The following TMPRSS15 variants were observed in gnomAD, a reference collection of about 807,000 sequenced individuals.
The protein encoded by TMPRSS15 is transmembrane serine protease 15.
Under a neutral mutation model 125.3 loss-of-function variants are expected in TMPRSS15, and 128 were observed. That is an observed-to-expected ratio of 1.02 (90% confidence interval 0.89 to 1.18). TMPRSS15 has a LOEUF of 1.18. Ranked by LOEUF, TMPRSS15 falls within the 50% of genes most tolerant of loss-of-function variation. TMPRSS15 has a pLI of 0.00. For synonymous variants in TMPRSS15, 446 were observed against 423.2 expected (o/e 1.05, Z -0.66); for missense variants, 1,283 against 1,212.7 (o/e 1.06, Z -0.86).
Position 18,365,203 on chromosome 21 carries a change from G to A in TMPRSS15, c.710C>T (p.Ser237Phe). ...TTTTGGATAATGAGTAGCCTGGAAA[G>A]ACCCAGATGATCCAGTTAACAAAAA... ...GRFLLTGSSG[S>F]FQATHYPKPS... is the part of the protein sequence containing the mutation. Residue 237 changes from serine to phenylalanine, a missense_variant, in exon 7 of 25, where the codon TCT (serine) becomes TTT (phenylalanine). Ser to Phe is a radical substitution (Grantham distance 155, BLOSUM62 -2). Transcript: ENST00000284885. 6.2e-7 allele frequency: 1 copy of A among 1,614,098 alleles called. No homozygotes were observed. The highest frequency in any genetic ancestry group is 1.1e-5 in the South Asian group (1 of 91,080).
At chr21:18,480,820 C>G (rs191370232) in intron 1 of TMPRSS15, among the ~76,000 whole-genome samples, 4 of 151,958 alleles carry the variant, frequency 2.6e-5, no homozygotes, top group Admixed American at 2.6e-4. Flanking sequence ...GATATTAACT[C>G]TTGTCCCATC....
chr21:18,395,919 T>C (rs971381967), intron 3 of TMPRSS15, among the ~76,000 whole-genome samples: 1 of 152,190 alleles, frequency 6.6e-6, no homozygotes, highest in Non-Finnish European at 1.5e-5. Flanking sequence ...AGGGAGGCTG[T>C]TGTCCTCTGC....
intron 13 of TMPRSS15, among the ~76,000 whole-genome samples, chr21:18,339,060 T>A (rs2075421932): frequency 6.6e-6 from 1 of 152,202 alleles, no homozygotes; most frequent in Non-Finnish European, 1.5e-5. Context: ...TTTAGGGGCA[T>A]ATAATTATAC....
intron 3 of TMPRSS15, among the ~76,000 whole-genome samples, chr21:18,397,385 A>T (rs2076050359): frequency 6.6e-6 from 1 of 152,204 alleles, no homozygotes. Context: ...CATATGTTAC[A>T]GATTCAAACA....
At chr21:18,378,153 T>C (rs1366442056) in intron 5 of TMPRSS15, among the ~76,000 whole-genome samples, 1 of 152,128 alleles carries the variant, frequency 6.6e-6, no homozygotes, top group African/African-American at 2.4e-5. Context: ...GAGCACATTT[T>C]TCAAAATATA....
chr21:18,350,553 G>A (rs368557728), intron 10 of TMPRSS15, among the ~76,000 whole-genome samples: 2 of 151,984 alleles, frequency 1.3e-5, no homozygotes, highest in South Asian at 2.1e-4. Context: ...TGTTCCCTCT[G>A]CCTGGAATAA....
At chr21:18,270,374 T>G (rs7282779) in intron 24 of TMPRSS15, among the ~76,000 whole-genome samples, 145,622 of 152,198 alleles carry the variant, frequency 0.96, 69,722 homozygotes, top group East Asian at 1. Flanking sequence ...TAAAAGTTTC[T>G]CCACTTTAAT....
At chr21:18,405,266 T>C (rs60992918), upstream of TMPRSS15, among the ~76,000 whole-genome samples, 1,533 of 152,290 alleles carry the variant, frequency 0.01, 33 homozygotes, top group African/African-American at 0.035. Context: ...ATGCATTTAG[T>C]TTCAGAAACA....
In TMPRSS15 at chr21:18,352,912, T is replaced by C. The variant is rs1362667468; in HGVS notation, c.1162A>G (p.Asn388Asp). 3 of 1,612,158 alleles carry C rather than the reference T, an allele frequency of 1.9e-6. No individual in the cohort carries two copies. The highest frequency in any genetic ancestry group is 2.5e-6 in the Non-Finnish European group (3 of 1,178,746). The stretch of plus-strand genomic sequence containing the variant: ...ATTAAATGAATTATACCTGAAGCAT[T>C]GCCAAAAGTGTGGTCAAAATTGGGT... ...TGPNFDHTFG[N>D]ASGFYISTPT... The change falls in exon 10 of 25, where the codon AAT (asparagine) becomes GAT (aspartate). Residue 388 changes from asparagine to aspartate, a missense_variant. By Grantham distance (23) the Asn-to-Asp change is conservative. Transcript: ENST00000284885.
chr21:18,316,975 A>G (rs1483530808), intron 16 of TMPRSS15, among the ~76,000 whole-genome samples: 1 of 152,172 alleles, frequency 6.6e-6, no homozygotes, highest in African/African-American at 2.4e-5. Context: ...TATCCCCTAC[A>G]TGGCACGTGA....
chr21:18,466,039 G>T (rs1270056405), intron 1 of TMPRSS15, among the ~76,000 whole-genome samples: 1 of 152,148 alleles, frequency 6.6e-6, no homozygotes, highest in Non-Finnish European at 1.5e-5. Context: ...AACCAAAATA[G>T]CATGGTACTG....
At position 18,398,215 on chromosome 21, in the gene TMPRSS15, A is replaced by G. The variant is rs1309184161; in HGVS notation, c.260T>C (p.Phe87Ser). Residue 87 changes from phenylalanine to serine, a missense_variant, in exon 2 of 25, where the codon TTT (phenylalanine) becomes TCT (serine). Phe to Ser is a radical substitution (Grantham distance 155, BLOSUM62 -2). Transcript: ENST00000284885. Reference sequence around the variant, plus strand: ...GTCTCCTACCATTTGCTGAAGGTCAAAAGCAAGAACTTTGAAATCCACTGA... The same window carrying G: ...GTCTCCTACCATTTGCTGAAGGTCAGAAGCAAGAACTTTGAAATCCACTGA... Reference protein sequence around the residue: ...KLSVDFKVLAFDLQQMIDEIF... With the variant: ...KLSVDFKVLASDLQQMIDEIF... The G allele has an allele frequency of 6.2e-7, 1 of 1,613,942 alleles. No individual in the cohort carries two copies. The highest frequency in any genetic ancestry group is 8.5e-7 in the Non-Finnish European group (1 of 1,179,816).
chr21:18,367,721 G>A (rs914967286), intron 6 of TMPRSS15, among the ~76,000 whole-genome samples: 9 of 151,964 alleles, frequency 5.9e-5, no homozygotes, highest in Non-Finnish European at 1.0e-4. Context: ...ACTATGTGCC[G>A]GTCATTTTCT....
At chr21:18,409,921 T>C (rs111250661) in intron 1 of TMPRSS15, among the ~76,000 whole-genome samples, 2 of 125,768 alleles carry the variant, frequency 1.6e-5, no homozygotes, top group African/African-American at 6.0e-5. Flanking sequence ...CTCCCTCCCT[T>C]CCTTCCTTCC....
intron 1 of TMPRSS15, among the ~76,000 whole-genome samples, chr21:18,439,081 C>T (rs2076235555): frequency 6.6e-6 from 1 of 152,150 alleles, no homozygotes; most frequent in African/African-American, 2.4e-5. Flanking sequence ...TAGTCAGTTC[C>T]TGATAATGTC....
chr21:18,426,349 A>G lies in TMPRSS15; in HGVS notation c.11-28020T>C, dbSNP rs78913071. On this transcript the variant is annotated intron_variant, in intron 1 of 7. Transcript: ENST00000422787. The stretch of plus-strand genomic sequence containing the variant: ...AGATTCAGAATTCCAGCTCAGGCAC[A>G]TGATCTGGCTACAAAATGAAGCTCT... 6.9e-3 allele frequency among the ~76,000 whole-genome samples: 1,056 copies of G among 152,320 alleles called. 12 individuals are homozygous for G. The highest frequency in any genetic ancestry group is 0.024 in the African/African-American group (980 of 41,586).
At chr21:18,302,934 A>T (rs2074989114) in intron 18 of TMPRSS15, among the ~76,000 whole-genome samples, 1 of 152,080 alleles carries the variant, frequency 6.6e-6, no homozygotes, top group African/African-American at 2.4e-5. Flanking sequence ...GTTTGTTTGG[A>T]GTAGAGGGCA....
intron 1 of TMPRSS15, among the ~76,000 whole-genome samples, chr21:18,439,268 G>A (rs909799004): frequency 2.0e-5 from 3 of 152,066 alleles, no homozygotes; most frequent in African/African-American, 7.2e-5. Context: ...TCATGTTGAA[G>A]GAGCAAGAAT....
intron 1 of TMPRSS15, among the ~76,000 whole-genome samples, chr21:18,436,574 TA>T (rs1412790389): frequency 6.6e-6 from 1 of 151,592 alleles, no homozygotes; most frequent in South Asian, 2.1e-4. Context: ...CTTAAGCTGA[TA>T]AGCAACTTCA....
Sources: allele counts gnomAD v4.1 joint callset (sites outside exome capture counted in the v4.1 genomes callset), GRCh38; gene constraint gnomAD v4.1.1; transcripts MANE v1.5; gene names NCBI Gene and HGNC (gene_info 2026-07-23, HGNC 2026-07-21).